Variants in FAT4 observed in about 807,000 individuals in gnomAD.
FAT4 encodes protocadherin Fat 4.
Under a neutral mutation model 303.9 loss-of-function variants are expected in FAT4, and 84 were observed. The observed-to-expected ratio is 0.28, with a 90% CI of 0.23 to 0.33. The LOEUF (loss-of-function observed/expected upper bound fraction) is 0.33, where lower values mean the gene tolerates loss of function less well. Among genes scored for constraint, FAT4 ranks in the 10% least tolerant of loss-of-function variants. The pLI is 1.00. For synonymous variants in FAT4, 2,307 were observed against 2,298.8 expected, an observed-to-expected ratio of 1.00 and a Z score of -0.10; for missense variants, 6,005 against 6,146.8, an observed-to-expected ratio of 0.98 and a Z score of 0.77.
At chr4:125,339,429 C>T (rs1560767697) in intron 2 of FAT4, among the ~76,000 whole-genome samples, 2 of 152,008 alleles carry the variant, frequency 1.3e-5, no homozygotes, top group South Asian at 4.1e-4. Context: ...ATCTTCTGAC[C>T]TCGTGATCCG....
chr4:125,489,786 T>TA (rs1727539736), intron 17 of FAT4, 115 bp from the exon 18 acceptor site: 3 of 769,854 alleles, frequency 3.9e-6, no homozygotes, highest in Non-Finnish European at 6.0e-6. Flanking sequence ...TGTATTCATG[T>TA]ATTCATATGA....
At chr4:125,488,723 T>C (rs192578094) in intron 17 of FAT4, among the ~76,000 whole-genome samples, 52 of 152,182 alleles carry the variant, frequency 3.4e-4, no homozygotes, top group Non-Finnish European at 6.3e-4. Context: ...GAGAAAATCC[T>C]TTGGATGGAT....
Position 125,317,447 on chromosome 4 carries a change from G to C in FAT4, c.1036G>C (p.Val346Leu), listed in dbSNP as rs1461801350. 1.2e-6 allele frequency: 2 copies of C among 1,613,672 alleles called. No homozygotes were observed. Among genetic ancestry groups the C allele is most frequent in the South Asian group, 2.2e-5 (2 of 91,082 alleles). The change falls in exon 2 of 18, where the codon GTG (valine) becomes CTG (leucine). Residue 346 changes from valine to leucine, a missense_variant. By Grantham distance (32) the Val-to-Leu change is conservative. Transcript: ENST00000394329. This position sits in a 1 kb window ranked among gnomAD's most constrained non-coding sequence, Gnocchi z 7.0. ...RAEALIQLLD[V>L]NDNDPVVKFR... ...CGAGGCGCTGATTCAGCTGCTGGACGTGAATGACAATGACCCGGTAGTGAA... is the reference window on the plus strand; with the variant it reads ...CGAGGCGCTGATTCAGCTGCTGGACCTGAATGACAATGACCCGGTAGTGAA...
chr4:125,464,347 T>G (rs1368886204), intron 11 of FAT4, among the ~76,000 whole-genome samples: 1 of 152,150 alleles, frequency 6.6e-6, no homozygotes, highest in Admixed American at 6.5e-5. Context: ...CCCATTACTG[T>G]GCCAGCCAAA....
At chr4:125,327,097 G>A (rs1731188271) in intron 2 of FAT4, among the ~76,000 whole-genome samples, 1 of 152,148 alleles carries the variant, frequency 6.6e-6, no homozygotes, top group Admixed American at 6.6e-5. Context: ...CCACAGCTAA[G>A]GCCCTCAGCA....
chr4:125,435,994 T>C lies in FAT4; in HGVS notation c.7199+1569T>C, dbSNP rs1355903416. 4.2e-5 allele frequency among the ~76,000 whole-genome samples: 6 copies of C among 141,886 alleles called. No homozygotes were observed. The East Asian group carries it at 1.0e-3, about 25-fold the overall frequency. 93.1% of individuals were successfully genotyped at this position (141,886 alleles called of 152,430 possible). On this transcript the variant is annotated intron_variant, in intron 8 of 17. Coordinates refer to ENST00000394329, the MANE Select transcript of FAT4 (RefSeq NM_001291303.3). Reference sequence around the variant, plus strand: ...ATAGATTTGGGGCATACCTTTGAAATTGGATGTGAGACAGGAAGGGGAACA... The same window carrying C: ...ATAGATTTGGGGCATACCTTTGAAACTGGATGTGAGACAGGAAGGGGAACA...
chr4:125,452,524 C>A lies in FAT4; in HGVS notation c.11514C>A (p.Ile3838=). Residue 3838 remains isoleucine, a synonymous_variant, in exon 10 of 18, where the codon ATC becomes ATA. Coordinates refer to ENST00000394329, the MANE Select transcript of FAT4 (RefSeq NM_001291303.3). ...AAAGCCGTGAGAGTCTTCCAGTCAT[C>A]ATCGTGGCAAATGAACCTCTGCAGC... is the stretch of plus-strand genomic sequence containing the variant. ...VLKSRESLPV[I]IVANEPLQPF... is the part of the protein sequence containing the mutation. 1 of 1,614,080 alleles carries A rather than the reference C, an allele frequency of 6.2e-7. No individual in the cohort carries two copies. The highest frequency in any genetic ancestry group is 8.5e-7 in the Non-Finnish European group (1 of 1,180,024).
chr4:125,342,486 T>TTACATTTATTA (rs1731836317), intron 2 of FAT4, among the ~76,000 whole-genome samples: 1 of 152,020 alleles, frequency 6.6e-6, no homozygotes, highest in South Asian at 2.1e-4. Context: ...TTACATATTT[T>TTACATTTATTA]TACATTTATT....
At chr4:125,440,006 A>G (rs1201344401) in intron 8 of FAT4, among the ~76,000 whole-genome samples, 1 of 152,244 alleles carries the variant, frequency 6.6e-6, no homozygotes, top group Non-Finnish European at 1.5e-5. Flanking sequence ...GTTAATATCC[A>G]TAAATGTCTC....
At chr4:125,369,992 A>G (rs1250596734) in intron 2 of FAT4, among the ~76,000 whole-genome samples, 1 of 151,976 alleles carries the variant, frequency 6.6e-6, no homozygotes, top group Non-Finnish European at 1.5e-5. Context: ...CATTGTATGT[A>G]TATACTACAT....
chr4:125,416,536 C>T lies in FAT4; in HGVS notation c.6932C>T (p.Ser2311Leu), dbSNP rs1303927677. 1 of 1,614,004 alleles carries T rather than the reference C, an allele frequency of 6.2e-7. No individual in the cohort carries two copies. The highest frequency in any genetic ancestry group is 8.5e-7 in the Non-Finnish European group (1 of 1,179,922). The change falls in exon 7 of 18, where the codon TCA becomes TTA. Residue 2311 changes from serine to leucine, a missense_variant. Physicochemically the swap from Ser to Leu is moderately radical, Grantham distance 145. Coordinates refer to ENST00000394329, the MANE Select transcript of FAT4 (RefSeq NM_001291303.3). The part of the protein sequence containing the change: ...GGNEDNAFTL[S>L]ASGELGVTQS... ...AATGAAGACAATGCTTTTACTCTCT[C>T]AGCCAGTGGAGAACTTGGAGTAACA... is the stretch of plus-strand genomic sequence containing the variant.
At chr4:125,335,269 C>T (rs1731526681) in intron 2 of FAT4, among the ~76,000 whole-genome samples, 1 of 151,998 alleles carries the variant, frequency 6.6e-6, no homozygotes, top group African/African-American at 2.4e-5. Context: ...AATTTTGTTG[C>T]TCAGCAACCA....
At chr4:125,458,725 A>G (rs1008951580) in intron 10 of FAT4, among the ~76,000 whole-genome samples, 12 of 151,954 alleles carry the variant, frequency 7.9e-5, no homozygotes, top group African/African-American at 2.4e-4. Flanking sequence ...AATCATATGT[A>G]ATCATTTGTA....
intron 8 of FAT4, among the ~76,000 whole-genome samples, chr4:125,435,574 T>G (rs1033167506): frequency 6.6e-6 from 1 of 152,194 alleles, no homozygotes; most frequent in African/African-American, 2.4e-5. Context: ...AGAAACACAT[T>G]CAGACCACAA....
At chr4:125,486,864 C>T (rs1727428593) in intron 16 of FAT4, among the ~76,000 whole-genome samples, 1 of 152,012 alleles carries the variant, frequency 6.6e-6, no homozygotes, top group Non-Finnish European at 1.5e-5. Context: ...AGAGGTAAAA[C>T]AATTATTTTC....
chr4:125,393,360 G>A (rs995293828), intron 2 of FAT4, among the ~76,000 whole-genome samples: 3 of 152,056 alleles, frequency 2.0e-5, no homozygotes, highest in African/African-American at 7.2e-5. Context: ...TGCTATTTTA[G>A]TCATTTCCTT....
chr4:125,478,296 A>T (rs975426658), intron 14 of FAT4, among the ~76,000 whole-genome samples: 6 of 152,228 alleles, frequency 3.9e-5, no homozygotes, highest in Non-Finnish European at 5.9e-5. Context: ...ATTATTAATC[A>T]AACAGTACAG....
intron 10 of FAT4, among the ~76,000 whole-genome samples, chr4:125,455,748 ATTAT>A (rs1360993675): frequency 6.6e-6 from 1 of 152,174 alleles, no homozygotes; most frequent in Non-Finnish European, 1.5e-5. Flanking sequence ...CTATGGTGAT[ATTAT>A]TTAAGAATGT....
chr4:125,470,897 T>G (rs1243552319), intron 12 of FAT4, among the ~76,000 whole-genome samples: 1 of 152,242 alleles, frequency 6.6e-6, no homozygotes, highest in East Asian at 1.9e-4. Flanking sequence ...AAGAAGCCTA[T>G]TTGGCCTATC....
Sources: allele counts gnomAD v4.1 joint callset (sites outside exome capture counted in the v4.1 genomes callset), GRCh38; gene constraint gnomAD v4.1.1; non-coding constraint Gnocchi (gnomAD v3.1); transcripts MANE v1.5; gene names NCBI Gene and HGNC (gene_info 2026-07-23, HGNC 2026-07-21).